The following FAM180A variants were observed in gnomAD, a reference collection of about 807,000 sequenced individuals.
FAM180A encodes family with sequence similarity 180 member A.
FAM180A carries 14 observed loss-of-function variants against 15.3 expected under a neutral mutation model. The observed-to-expected ratio is 0.92, with a 90% CI of 0.61 to 1.43. The LOEUF (loss-of-function observed/expected upper bound fraction) is 1.43. FAM180A is among the 40% of genes most tolerant of loss of function. FAM180A has a pLI of 0.00. For synonymous variants in FAM180A, 90 were observed against 96.8 expected, an observed-to-expected ratio of 0.93 and a Z score of 0.41; for missense variants, 200 against 220.8, an observed-to-expected ratio of 0.91 and a Z score of 0.60.
intron 1 of FAM180A, among the ~76,000 whole-genome samples, 154 bp from the exon 2 acceptor site, chr7:135,737,353 G>A (rs1159816321): frequency 2.6e-5 from 4 of 152,078 alleles, no homozygotes; most frequent in South Asian, 2.1e-4. Flanking sequence ...TTGGGAGGCC[G>A]AGGCGGGCGG....
intron 3 of FAM180A, among the ~76,000 whole-genome samples, chr7:135,731,006 A>G (rs1796772672): frequency 6.6e-6 from 1 of 151,234 alleles, no homozygotes; most frequent in Non-Finnish European, 1.5e-5. Context: ...TCAAGCCCCA[A>G]TTTGTGTTTA....
intron 2 of FAM180A, among the ~76,000 whole-genome samples, chr7:135,736,561 G>A (rs1406240874): frequency 1.3e-5 from 2 of 152,202 alleles, no homozygotes; most frequent in African/African-American, 4.8e-5. Context: ...GGGCAGCCTC[G>A]GGAAATTGAC....
At position 135,737,114 on chromosome 7, in the gene FAM180A, C is replaced by T; in HGVS notation, c.162G>A (p.Val54=). ...NPVLQTSLEE[V]ELLYEFLLAE... ...CTCTGCCTACCTCGTAGAGCAGCTC[C>T]ACCTCCTCCAGGGAGGTCTGCAGGA... The change falls in exon 2 of 4, where the codon GTG becomes GTA. Residue 54 remains valine (V), a synonymous_variant. Transcript: ENST00000338588. The T allele has an allele frequency of 6.2e-7, 1 of 1,612,732 alleles. No individual in the cohort carries two copies. The highest frequency in any genetic ancestry group is 1.1e-5 in the South Asian group (1 of 90,692).
intron 2 of FAM180A, 100 bp downstream of exon 2, chr7:135,736,999 T>A: frequency 2.2e-6 from 2 of 900,184 alleles, no homozygotes. Context: ...GGGTCACTCA[T>A]GGTCAGGGGC....
chr7:135,733,733 G>C lies in FAM180A; in HGVS notation c.*242C>G. 7.5e-7 allele frequency: 1 copy of C among 1,327,516 alleles called. No individual in the cohort carries two copies. Among genetic ancestry groups the C allele is most frequent in the Non-Finnish European group, 9.6e-7 (1 of 1,043,458 alleles). 82.2% of individuals were successfully genotyped at this position (1,327,516 alleles called of 1,614,324 possible). A position where few individuals can be genotyped will look rare whatever the true frequency, so the allele number is the denominator to read the frequency against. ...CCATAGGCAAACCATTCTGCCCATG[G>C]AGGCGTCTTGAATGACCATTCCAGC... On this transcript the variant is annotated 3_prime_UTR_variant, in exon 3 of 4. Transcript: ENST00000338588.
chr7:135,745,188 C>T (rs1487390291), intron 1 of FAM180A, among the ~76,000 whole-genome samples: 1 of 152,142 alleles, frequency 6.6e-6, no homozygotes, highest in Non-Finnish European at 1.5e-5. Context: ...TGACCACAGG[C>T]CTTTCCCTCA....
intron 1 of FAM180A, among the ~76,000 whole-genome samples, chr7:135,747,747 T>C (rs1223356495): frequency 2.0e-5 from 3 of 152,110 alleles, no homozygotes; most frequent in Non-Finnish European, 4.4e-5. Flanking sequence ...AGTGGAAAGA[T>C]TTCCGTTCAT....
chr7:135,734,632 T>A (rs2129495949), intron 2 of FAM180A, among the ~76,000 whole-genome samples: 1 of 152,340 alleles, frequency 6.6e-6, no homozygotes, highest in Non-Finnish European at 1.5e-5. Flanking sequence ...TTTAAGGGAC[T>A]AATTATAGTT....
At chr7:135,737,271 A>G in intron 1 of FAM180A, 72 bp from the exon 2 acceptor site, 2 of 1,197,150 alleles carry the variant, frequency 1.7e-6, no homozygotes, top group Non-Finnish European at 2.3e-6. Flanking sequence ...TCCACCTTGA[A>G]GGTAGTCAAG....
intron 1 of FAM180A, among the ~76,000 whole-genome samples, chr7:135,746,983 C>T (rs1044415438): frequency 3.9e-5 from 6 of 152,152 alleles, no homozygotes; most frequent in Non-Finnish European, 7.4e-5. Flanking sequence ...ACCTGTAACT[C>T]CAGCTACTCA....
chr7:135,744,481 C>A (rs1797000203), intron 1 of FAM180A, among the ~76,000 whole-genome samples: 1 of 152,230 alleles, frequency 6.6e-6, no homozygotes, highest in African/African-American at 2.4e-5. Flanking sequence ...TACTTTTTGA[C>A]TCCTGGGCCA....
intron 3 of FAM180A, among the ~76,000 whole-genome samples, chr7:135,730,937 A>T (rs926565472): frequency 2.3e-4 from 34 of 146,918 alleles, no homozygotes; most frequent in Admixed American, 2.0e-3. Context: ...ATTTGTCTTT[A>T]AAAAGGTCAT....
At chr7:135,733,253 C>A (rs1036772397) in intron 3 of FAM180A, among the ~76,000 whole-genome samples, 5 of 152,174 alleles carry the variant, frequency 3.3e-5, no homozygotes, top group Non-Finnish European at 7.4e-5. Context: ...TTCATTCAAC[C>A]CAGCACCCTA....
At chr7:135,743,307 C>T (rs547349898) in intron 1 of FAM180A, among the ~76,000 whole-genome samples, 12 of 149,626 alleles carry the variant, frequency 8.0e-5, no homozygotes, top group South Asian at 2.1e-4. Context: ...CAGGTTCAAG[C>T]GATTCTTGTG....
rs1358315362 is a variant in FAM180A, at chr7:135,748,585, T to A, written c.-5A>T. 1 of 1,613,748 alleles carries A rather than the reference T, an allele frequency of 6.2e-7. No homozygotes were observed. The highest frequency in any genetic ancestry group is 8.5e-7 in the Non-Finnish European group (1 of 1,179,628). On this transcript the variant is annotated 5_prime_UTR_variant, in exon 1 of 4. Transcript: ENST00000338588. ...CAGCAACATCTTCCAATGCATCTTG[T>A]CCTTCAAAAGGTGAAAAATCGACCC...
At chr7:135,739,780 T>C (rs1485704423) in intron 1 of FAM180A, among the ~76,000 whole-genome samples, 3 of 152,168 alleles carry the variant, frequency 2.0e-5, no homozygotes, top group Non-Finnish European at 2.9e-5. Flanking sequence ...GATGGGCTTA[T>C]TATAGTATTG....
chr7:135,735,686 A>G (rs1796859796), intron 2 of FAM180A, among the ~76,000 whole-genome samples: 1 of 152,162 alleles, frequency 6.6e-6, no homozygotes, highest in Non-Finnish European at 1.5e-5. Flanking sequence ...CTGCATGGCT[A>G]CAGCAAGTTC....
At chr7:135,746,692 A>G (rs941982769) in intron 1 of FAM180A, among the ~76,000 whole-genome samples, 2 of 152,250 alleles carry the variant, frequency 1.3e-5, no homozygotes, top group Non-Finnish European at 2.9e-5. Context: ...CAACTCCAAG[A>G]TCTCTTTGCT....
intron 1 of FAM180A, among the ~76,000 whole-genome samples, chr7:135,748,122 C>G (rs924541426): frequency 3.3e-5 from 5 of 152,208 alleles, no homozygotes; most frequent in African/African-American, 9.6e-5. Context: ...CATCCCAGTG[C>G]CCATCACTCC....
Sources: gnomAD v4.1 joint callset for allele counts (sites outside exome capture counted in the v4.1 genomes callset) on GRCh38, gnomAD v4.1.1 for gene constraint, MANE v1.5 for transcripts, NCBI Gene and HGNC (gene_info 2026-07-23, HGNC 2026-07-21) for gene names.